ITGA8: variants seen among roughly 807,000 people sequenced by gnomAD.
ITGA8 encodes integrin alpha-8.
ITGA8 carries 91 observed loss-of-function variants against 142.3 expected under a neutral mutation model. The ratio of observed to expected loss-of-function variants is 0.64; its 90% CI spans 0.54 to 0.76. The LOEUF (loss-of-function observed/expected upper bound fraction) is 0.76. ITGA8 is among the 30% of genes least tolerant of loss of function. The pLI is 0.00. For missense variants in ITGA8, 1,406 were observed against 1,327.7 expected (o/e 1.06, Z -0.92); for synonymous variants, 505 against 485.2 (o/e 1.04, Z -0.54).
chr10:15,586,049 ATTT>A lies in ITGA8; in HGVS notation c.2372+532_2372+534del, dbSNP rs59435924. Among the ~76,000 whole-genome samples the A allele has an allele frequency of 7.5e-3, 574 of 76,716 alleles. 4 individuals carry two copies. Among genetic ancestry groups the A allele is most frequent in the African/African-American group, 0.026 (491 of 18,920 alleles). 50.3% of individuals were successfully genotyped at this position (76,716 alleles called of 152,430 possible). Reference sequence around the variant, plus strand: ...CACTGTCAATTTGGGGAATAAAGTGATTTTTTTTTTTTTTTTTTTTTTTTTTGA... The same window carrying A: ...CACTGTCAATTTGGGGAATAAAGTGATTTTTTTTTTTTTTTTTTTTTTTGA... On this transcript the variant is annotated intron_variant, in intron 23 of 29. Coordinates refer to ENST00000378076, the MANE Select transcript of ITGA8 (RefSeq NM_003638.3).
chr10:15,570,610 C>CAAAAAAAAA (rs931457896), intron 25 of ITGA8, among the ~76,000 whole-genome samples: 13 of 39,964 alleles, frequency 3.3e-4, no homozygotes, highest in Non-Finnish European at 4.6e-4. Context: ...AACTCCATCT[C>CAAAAAAAAA]AAAAAAAAAA....
chr10:15,580,701 C>T (rs1289058330), intron 23 of ITGA8, among the ~76,000 whole-genome samples: 1 of 152,012 alleles, frequency 6.6e-6, no homozygotes, highest in Non-Finnish European at 1.5e-5. Flanking sequence ...TTCATATGTA[C>T]AGAATAAGCA....
At chr10:15,589,463 G>C (rs1364521183) in intron 22 of ITGA8, among the ~76,000 whole-genome samples, 1 of 152,030 alleles carries the variant, frequency 6.6e-6, no homozygotes, top group African/African-American at 2.4e-5. Flanking sequence ...CAAATATTTG[G>C]TAACAGGAAA....
At chr10:15,710,409 T>A (rs1835342048) in intron 2 of ITGA8, among the ~76,000 whole-genome samples, 2 of 152,226 alleles carry the variant, frequency 1.3e-5, no homozygotes, top group South Asian at 4.1e-4. Context: ...TTATTTAGTG[T>A]TGTGCCCCTT....
At chr10:15,695,016 A>G (rs1004724421) in intron 2 of ITGA8, among the ~76,000 whole-genome samples, 1 of 152,056 alleles carries the variant, frequency 6.6e-6, no homozygotes, top group Non-Finnish European at 1.5e-5. Flanking sequence ...ATTCTAGGGG[A>G]AAAAATAAGC....
intron 2 of ITGA8, among the ~76,000 whole-genome samples, chr10:15,694,160 T>C (rs1564412089): frequency 7.0e-6 from 1 of 143,392 alleles, no homozygotes; most frequent in East Asian, 2.0e-4. Flanking sequence ...TATCAGATAA[T>C]ATATCATATA....
At chr10:15,639,768 CAG>C (rs778252284) in intron 13 of ITGA8, among the ~76,000 whole-genome samples, 31 of 152,204 alleles carry the variant, frequency 2.0e-4, no homozygotes, top group Non-Finnish European at 4.1e-4. Flanking sequence ...TGCTCCAGCC[CAG>C]AGTGGCTAAT....
chr10:15,711,715 C>T (rs1835367699), intron 2 of ITGA8, among the ~76,000 whole-genome samples: 1 of 152,132 alleles, frequency 6.6e-6, no homozygotes, highest in Non-Finnish European at 1.5e-5. Flanking sequence ...ACTCCCAATG[C>T]CTGGAAATCA....
chr10:15,547,534 T>G (rs932196061), intron 27 of ITGA8, among the ~76,000 whole-genome samples: 1 of 152,184 alleles, frequency 6.6e-6, no homozygotes, highest in Admixed American at 6.5e-5. Context: ...ATCGCACTAC[T>G]GCACTCCAGG....
At chr10:15,567,814 G>A (rs906258314) in intron 25 of ITGA8, among the ~76,000 whole-genome samples, 1 of 152,158 alleles carries the variant, frequency 6.6e-6, no homozygotes, top group Admixed American at 6.6e-5. Context: ...CCAGGCTGTT[G>A]CCCACCCTTG....
chr10:15,681,146 C>T (rs372148647), intron 4 of ITGA8, among the ~76,000 whole-genome samples: 10 of 152,202 alleles, frequency 6.6e-5, no homozygotes, highest in African/African-American at 2.4e-4. Context: ...CTAACAATAT[C>T]AGCAGAGCGG....
At chr10:15,586,049 A>ATTTTTTTTTTTTTTTTT (rs59435924) in intron 23 of ITGA8, among the ~76,000 whole-genome samples, 3 of 76,810 alleles carry the variant, frequency 3.9e-5, no homozygotes, top group African/African-American at 1.6e-4. Context: ...GAATAAAGTG[A>ATTTTTTTTTTTTTTTTT]TTTTTTTTTT....
chr10:15,559,625 G>A (rs985600764), intron 25 of ITGA8, among the ~76,000 whole-genome samples: 29 of 152,136 alleles, frequency 1.9e-4, no homozygotes, highest in African/African-American at 6.8e-4. Flanking sequence ...AAGGAAGGGT[G>A]AAGACCTTTA....
intron 2 of ITGA8, among the ~76,000 whole-genome samples, chr10:15,714,800 G>C (rs1835421300): frequency 6.6e-6 from 1 of 152,130 alleles, no homozygotes. Context: ...CAGTTATAGG[G>C]CTGTCTCCTT....
intron 9 of ITGA8, among the ~76,000 whole-genome samples, chr10:15,659,927 T>C (rs922919506): frequency 2.6e-5 from 4 of 152,076 alleles, no homozygotes; most frequent in African/African-American, 7.3e-5. Flanking sequence ...TGCCCACAAT[T>C]TGATGTCAGA....
chr10:15,595,322 G>GA (rs1832994369), intron 21 of ITGA8, among the ~76,000 whole-genome samples: 1 of 152,062 alleles, frequency 6.6e-6, no homozygotes, highest in South Asian at 2.1e-4. Flanking sequence ...ACAACCCACT[G>GA]AGAGTATTCT....
At chr10:15,532,459 A>T (rs373197142) in intron 27 of ITGA8, among the ~76,000 whole-genome samples, 2 of 142,062 alleles carry the variant, frequency 1.4e-5, no homozygotes, top group African/African-American at 5.1e-5. Flanking sequence ...CTCTAGTTAC[A>T]GCCAGTTGTC....
At chr10:15,631,297 C>T (rs1564382744) in intron 13 of ITGA8, among the ~76,000 whole-genome samples, 2 of 151,866 alleles carry the variant, frequency 1.3e-5, no homozygotes, top group South Asian at 4.2e-4. Flanking sequence ...TTCACAATAG[C>T]AAAGACTTGG....
In ITGA8 at chr10:15,655,345, TA is replaced by T; in HGVS notation, c.1001+8del. 2 of 1,564,084 alleles carry T rather than the reference TA, an allele frequency of 1.3e-6. No homozygotes were observed. Among genetic ancestry groups the T allele is most frequent in the Non-Finnish European group, 8.8e-7 (1 of 1,135,146 alleles). ...ATATATTGTATATGAGAGAGGTCTA[TA>T]AACTTACCCATCACTGTTAACATCT... On this transcript the variant is annotated splice_region_variant and intron_variant, in intron 11 of 29. Transcript: ENST00000378076.
Sources: allele counts gnomAD v4.1 joint callset (sites outside exome capture counted in the v4.1 genomes callset), GRCh38; gene constraint gnomAD v4.1.1; transcripts MANE v1.5; gene names NCBI Gene and HGNC (gene_info 2026-07-23, HGNC 2026-07-21).